Variants in EMCN observed in about 807,000 individuals in gnomAD.
The protein encoded by EMCN is MUC-14.
Under a neutral mutation model 38.4 loss-of-function variants are expected in EMCN, and 37 were observed. The observed-to-expected ratio is 0.96, with a 90% CI of 0.74 to 1.27. The LOEUF (loss-of-function observed/expected upper bound fraction) is 1.27. Ranked by LOEUF, EMCN falls within the 50% of genes most tolerant of loss-of-function variation. EMCN has a pLI of 0.00. For synonymous variants in EMCN, 95 were observed against 100.8 expected, an observed-to-expected ratio of 0.94 and a Z score of 0.35; for missense variants, 318 against 302.8, an observed-to-expected ratio of 1.05 and a Z score of -0.37.
At chr4:100,439,576 A>T in intron 5 of EMCN, among the ~76,000 whole-genome samples, 1 of 150,084 alleles carries the variant, frequency 6.7e-6, no homozygotes. Flanking sequence ...TTATTTTTTG[A>T]AAGCACCAAC....
intron 2 of EMCN, among the ~76,000 whole-genome samples, 194 bp downstream of exon 2, chr4:100,479,723 A>C (rs1728755131): frequency 6.6e-6 from 1 of 152,134 alleles, no homozygotes; most frequent in Non-Finnish European, 1.5e-5. Flanking sequence ...AAGAATATCA[A>C]CAAAGCGGCC....
At chr4:100,469,125 C>T (rs1728402400) in intron 3 of EMCN, among the ~76,000 whole-genome samples, 1 of 152,040 alleles carries the variant, frequency 6.6e-6, no homozygotes, top group African/African-American at 2.4e-5. Flanking sequence ...CAAGAGGTTA[C>T]TATAAAGAAA....
intron 5 of EMCN, among the ~76,000 whole-genome samples, chr4:100,425,149 G>GCGCACA (rs1553927262): frequency 7.1e-6 from 1 of 141,140 alleles, no homozygotes; most frequent in Non-Finnish European, 1.5e-5. Flanking sequence ...TCTGAATCCA[G>GCGCACA]CACACACACA....
intron 5 of EMCN, among the ~76,000 whole-genome samples, chr4:100,439,017 T>C (rs757749569): frequency 1.3e-5 from 2 of 152,108 alleles, no homozygotes; most frequent in Non-Finnish European, 2.9e-5. Flanking sequence ...ATCCTCAATA[T>C]TTTACTAAGG....
At chr4:100,473,054 G>A (rs13139205) in intron 3 of EMCN, among the ~76,000 whole-genome samples, 17,104 of 139,156 alleles carry the variant, frequency 0.12, 1,243 homozygotes, top group Middle Eastern at 0.17. Flanking sequence ...TTATTCTGTC[G>A]CCCAGGCTGG....
chr4:100,448,433 C>T (rs1329077667), intron 4 of EMCN, among the ~76,000 whole-genome samples: 1 of 152,098 alleles, frequency 6.6e-6, no homozygotes, highest in Non-Finnish European at 1.5e-5. Context: ...CTGTCTCTTC[C>T]GTTGCTTTCT....
chr4:100,445,561 A>G (rs1026840756), intron 5 of EMCN, among the ~76,000 whole-genome samples: 5 of 152,322 alleles, frequency 3.3e-5, no homozygotes, highest in Non-Finnish European at 7.4e-5. Flanking sequence ...TAGTAATTCT[A>G]TGGGCTGTAA....
chr4:100,402,794 C>T (rs986099449), intron 11 of EMCN, among the ~76,000 whole-genome samples: 2 of 152,056 alleles, frequency 1.3e-5, no homozygotes, highest in Admixed American at 6.6e-5. Context: ...TGTTCCTTGC[C>T]TTCTATATAC....
intron 5 of EMCN, among the ~76,000 whole-genome samples, chr4:100,446,623 T>C (rs1727680906): frequency 6.6e-6 from 1 of 152,186 alleles, no homozygotes; most frequent in Admixed American, 6.5e-5. Flanking sequence ...GGGATACACA[T>C]GCAGGTTTGC....
At chr4:100,459,299 T>C (rs995137833) in intron 4 of EMCN, among the ~76,000 whole-genome samples, 6 of 34,288 alleles carry the variant, frequency 1.7e-4, no homozygotes, top group Middle Eastern at 0.036. Context: ...TGTGTGTGTG[T>C]ACACCATATA....
At chr4:100,435,826 T>C (rs1237135799) in intron 5 of EMCN, among the ~76,000 whole-genome samples, 1 of 152,154 alleles carries the variant, frequency 6.6e-6, no homozygotes, top group African/African-American at 2.4e-5. Flanking sequence ...GCTAGCCATA[T>C]GCAGATAATT....
At chr4:100,453,723 G>T (rs1309365220) in intron 4 of EMCN, among the ~76,000 whole-genome samples, 2 of 151,948 alleles carry the variant, frequency 1.3e-5, no homozygotes, top group African/African-American at 4.8e-5. Flanking sequence ...ACATGCACAC[G>T]TATGTTTATT....
At chr4:100,454,483 G>A (rs549025441) in intron 4 of EMCN, among the ~76,000 whole-genome samples, 1 of 152,238 alleles carries the variant, frequency 6.6e-6, no homozygotes, top group African/African-American at 2.4e-5. Flanking sequence ...TCTGTGATGA[G>A]TTAAATGGTG....
rs558369597 is a variant in EMCN at position 100,463,965 on chromosome 4, G to C, written c.376+1458C>G. Among the ~76,000 whole-genome samples, 10 of 151,932 alleles carry C rather than the reference G, an allele frequency of 6.6e-5. No individual in the cohort carries two copies. In the East Asian group the frequency reaches 1.9e-3, roughly 29 times the overall value. The stretch of plus-strand genomic sequence containing the variant: ...TTTAAAAGAACTGGGATTCTGGTAG[G>C]GATTGCATTAAATATATTAATCAAT... On this transcript the variant is annotated intron_variant, in intron 4 of 11. Coordinates refer to ENST00000296420, the MANE Select transcript of EMCN (RefSeq NM_016242.4).
chr4:100,403,523 G>A (rs1020593762), intron 11 of EMCN, among the ~76,000 whole-genome samples: 2 of 150,964 alleles, frequency 1.3e-5, no homozygotes, highest in African/African-American at 4.9e-5. Context: ...TGTAAATAGT[G>A]CTGTGATGAA....
chr4:100,438,035 T>G (rs1032423928), intron 5 of EMCN, among the ~76,000 whole-genome samples: 3 of 152,116 alleles, frequency 2.0e-5, no homozygotes, highest in Admixed American at 6.6e-5. Context: ...ATACAGTGTA[T>G]CTTTCCATTT....
intron 4 of EMCN, among the ~76,000 whole-genome samples, chr4:100,456,682 A>G (rs898672913): frequency 6.6e-6 from 1 of 152,034 alleles, no homozygotes. Context: ...CACACTCTGT[A>G]TCACTTAAAT....
intron 11 of EMCN, among the ~76,000 whole-genome samples, chr4:100,405,782 G>A (rs1350111248): frequency 6.6e-6 from 1 of 151,960 alleles, no homozygotes; most frequent in East Asian, 1.9e-4. Context: ...TTTTGGAATT[G>A]ATTCAGTAGG....
chr4:100,474,180 C>T (rs1316658368), intron 3 of EMCN: 2 of 152,102 alleles, frequency 1.3e-5, no homozygotes, highest in African/African-American at 4.8e-5. Context: ...GACAAATAGC[C>T]AAATTTTTAA....
Sources: gnomAD v4.1 joint callset for allele counts (sites outside exome capture counted in the v4.1 genomes callset) on GRCh38, gnomAD v4.1.1 for gene constraint, MANE v1.5 for transcripts, NCBI Gene and HGNC (gene_info 2026-07-23, HGNC 2026-07-21) for gene names.